FZD4: variants seen among roughly 807,000 people sequenced by gnomAD.
FZD4 encodes frizzled class receptor 4, also known as frizzled-4.
FZD4 carries 16 observed loss-of-function variants against 37.3 expected under a neutral mutation model. The observed-to-expected ratio is 0.43, with a 90% CI of 0.29 to 0.65. The LOEUF (loss-of-function observed/expected upper bound fraction) is 0.65, where lower values mean the gene tolerates loss of function less well. Ranked by LOEUF, FZD4 falls within the 30% of genes least tolerant of loss-of-function variation. The pLI, the probability that FZD4 is intolerant of heterozygous loss-of-function variation, is 0.16. For missense variants in FZD4, 599 were observed against 674.3 expected (o/e 0.89, Z 1.24); for synonymous variants, 246 against 254.8 (o/e 0.97, Z 0.33).
In FZD4 at chr11:86,951,140, C is replaced by A. The variant is rs61749246; in HGVS notation, c.*2G>T. On this transcript the variant is annotated 3_prime_UTR_variant, in exon 2 of 2. Transcript: ENST00000531380. ...TGAAGAAAGCATGGAGGCTGACTAGCCTTATACCACAGTCTCACTGCCTTT... is the reference window on the plus strand; with the variant it reads ...TGAAGAAAGCATGGAGGCTGACTAGACTTATACCACAGTCTCACTGCCTTT... The A allele has an allele frequency of 0.022, 35,324 of 1,613,762 alleles. 466 individuals are homozygous for A. Among genetic ancestry groups the A allele is most frequent in the Middle Eastern group, 0.028 (172 of 6,062 alleles).
In FZD4 at chr11:86,954,852, C is replaced by G; in HGVS notation, c.234G>C (p.Gln78His). Residue 78 changes from glutamine (Q) to histidine (H), a missense_variant, in exon 1 of 2, where the codon CAG becomes CAC. Around this residue, in one of 3 missense-constraint regions of FZD4, gnomAD observed 357 missense variants for 396.1 expected, o/e 0.90. Transcript: ENST00000531380. ...GGATGAGCGGTGTGAAAGTTGTCAG[C>G]TGCAGCTCGGCGTCCGTCTGCAGCT... ...GHELQTDAELQLTTFTPLIQY... is the reference protein window; with the variant it reads ...GHELQTDAELHLTTFTPLIQY... 6 of 1,613,366 alleles carry G rather than the reference C, an allele frequency of 3.7e-6. No individual in the cohort carries two copies. Among genetic ancestry groups the G allele is most frequent in the Non-Finnish European group, 5.1e-6 (6 of 1,179,834 alleles).
In FZD4 at chr11:86,947,264, T is replaced by C; in HGVS notation, c.*3878A>G. On this transcript the variant is annotated 3_prime_UTR_variant, in exon 2 of 2. Coordinates refer to ENST00000531380, the MANE Select transcript of FZD4 (RefSeq NM_012193.4). ...AAAAAAAGGTTCCTTCCAAAGTCTG[T>C]GCTCAATGGCTCCCTTCCCTAACTG... 6.0e-6 allele frequency: 1 copy of C among 166,318 alleles called. No homozygotes were observed. Among genetic ancestry groups the C allele is most frequent in the Non-Finnish European group, 1.3e-5 (1 of 77,554 alleles). 10.3% of individuals were successfully genotyped at this position (166,318 alleles called of 1,614,324 possible). A position where few individuals can be genotyped will look rare whatever the true frequency, so the allele number is the denominator to read the frequency against.
intron 1 of FZD4, 66 bp downstream of exon 1, chr11:86,954,735 T>G (rs1949321413): frequency 6.5e-7 from 1 of 1,529,974 alleles, no homozygotes; most frequent in Admixed American, 2.0e-5. Flanking sequence ...GCATGGGCTC[T>G]GCAAAGTTAG....
Position 86,949,041 on chromosome 11 carries a change from G to A in FZD4, c.*2101C>T, listed in dbSNP as rs77034986. 1 of 152,416 alleles carries A rather than the reference G, an allele frequency of 6.6e-6. No homozygotes were observed. The highest frequency in any genetic ancestry group is 1.5e-5 in the Non-Finnish European group (1 of 68,070). 9.4% of individuals were successfully genotyped at this position (152,416 alleles called of 1,614,324 possible). On this transcript the variant is annotated 3_prime_UTR_variant, in exon 2 of 2. Coordinates refer to ENST00000531380, the MANE Select transcript of FZD4 (RefSeq NM_012193.4). ...CACATTTTACATTTCATAGGCAATGGAGTATCAGATGGAGTTAAAATGGTT... is the reference window on the plus strand; with the variant it reads ...CACATTTTACATTTCATAGGCAATGAAGTATCAGATGGAGTTAAAATGGTT...
At position 86,949,372 on chromosome 11, in the gene FZD4, AG is replaced by A. The variant is rs1360963052; in HGVS notation, c.*1769del. On this transcript the variant is annotated 3_prime_UTR_variant, in exon 2 of 2. Transcript: ENST00000531380. ...ATTTGACCACCTTTTTGGAATTTTGAGTCCCTGGAAATGTTTTTCCACAAAG... is the reference window on the plus strand; with the variant it reads ...ATTTGACCACCTTTTTGGAATTTTGATCCCTGGAAATGTTTTTCCACAAAG... 1 of 151,312 alleles carries A rather than the reference AG, an allele frequency of 6.6e-6. No homozygotes were observed. The highest frequency in any genetic ancestry group is 1.5e-5 in the Non-Finnish European group (1 of 67,870). The allele number at this position is 151,312 out of a possible 1,614,324, so 9.4% of individuals were successfully genotyped here. A position where few individuals can be genotyped will look rare whatever the true frequency, so the allele number is the denominator to read the frequency against.
At chr11:86,953,350 C>A (rs1164042912) in intron 1 of FZD4, among the ~76,000 whole-genome samples, 1 of 152,200 alleles carries the variant, frequency 6.6e-6, no homozygotes, top group African/African-American at 2.4e-5. Context: ...AAAGCTGTTT[C>A]TCCAACAAAT....
chr11:86,950,660 G>T lies in FZD4; in HGVS notation c.*482C>A, dbSNP rs1431537912. 2 of 197,036 alleles carry T rather than the reference G, an allele frequency of 1.0e-5. No homozygotes were observed. Among genetic ancestry groups the T allele is most frequent in the Admixed American group, 1.1e-4 (2 of 18,914 alleles). The allele number at this position is 197,036 out of a possible 1,614,324, so 12.2% of individuals were successfully genotyped here. A position where few individuals can be genotyped will look rare whatever the true frequency, so the allele number is the denominator to read the frequency against. On this transcript the variant is annotated 3_prime_UTR_variant, in exon 2 of 2. Coordinates refer to ENST00000531380, the MANE Select transcript of FZD4 (RefSeq NM_012193.4). ...ACATCAGCCAAACTATAAAACTCTTGTAACACTTTTCTGAACCCAGCGTTT... is the reference window on the plus strand; with the variant it reads ...ACATCAGCCAAACTATAAAACTCTTTTAACACTTTTCTGAACCCAGCGTTT...
At position 86,951,879 on chromosome 11, in the gene FZD4, T is replaced by A; in HGVS notation, c.877A>T (p.Ile293Phe). Residue 293 changes from isoleucine (I) to phenylalanine (F), a missense_variant, in exon 2 of 2, where the codon ATC becomes TTC. This residue lies in a region of FZD4 where 357 missense variants were observed against 396.1 expected (regional missense o/e 0.90). Coordinates refer to ENST00000531380, the MANE Select transcript of FZD4 (RefSeq NM_012193.4). ...DFEEAAEPVL[I>F]QEGLKNTGCA... ...CCTGTGTTCTTAAGTCCTTCTTGGA[T>A]GAGAACAGGTTCTGCTGCCTCTTCA... The A allele has an allele frequency of 6.2e-7, 1 of 1,613,742 alleles. No individual in the cohort carries two copies.
chr11:86,952,600 AGTCT>A (rs1157462963), intron 1 of FZD4, 130 bp from the exon 2 acceptor site: 9 of 951,426 alleles, frequency 9.5e-6, no homozygotes, highest in East Asian at 2.4e-5. Context: ...ACCTATCGGG[AGTCT>A]GTCTGTTTAC....
rs1949287747 is a variant in FZD4, at chr11:86,951,194, TTC to T, written c.1560_1561del (p.Lys521GlufsTer13). 3 of 1,614,024 alleles carry T rather than the reference TTC, an allele frequency of 1.9e-6. No individual in the cohort carries two copies. Among genetic ancestry groups the T allele is most frequent in the African/African-American group, 1.3e-5 (1 of 75,050 alleles). On this transcript the variant is annotated frameshift_variant, in exon 2 of 2. Transcript: ENST00000531380. LOFTEE classifies it high-confidence loss of function. ...AGGCTTCACCCAACCATTTCCTCTC[TTC>T]TCTCTCTTTACCTTTCCAGAATTCA... is the stretch of plus-strand genomic sequence containing the variant.
Position 86,951,534 on chromosome 11 carries a change from C to T in FZD4, c.1222G>A (p.Ala408Thr), listed in dbSNP as rs2135040394. The T allele has an allele frequency of 1.9e-6, 3 of 1,614,146 alleles. No homozygotes were observed. Among genetic ancestry groups the T allele is most frequent in the Non-Finnish European group, 2.5e-6 (3 of 1,180,008 alleles). Residue 408 changes from alanine to threonine, a missense_variant, in exon 2 of 2, where the codon GCA becomes ACA. By Grantham distance (58) the Ala-to-Thr change is moderately conservative (BLOSUM62 0). This residue lies in a region of FZD4 where 203 missense variants were observed against 196.8 expected (regional missense o/e 1.03). Transcript: ENST00000531380. ...ATTTTGAACAAGGCCACCAAACCTG[C>T]AGCAATGAACAAAGTTCCAATGACC... ...YLVIGTLFIA[A>T]GLVALFKIRS... is the part of the protein sequence containing the mutation.
intron 1 of FZD4, chr11:86,953,021 G>C (rs1022689047): frequency 2.0e-5 from 3 of 153,088 alleles, no homozygotes; most frequent in Non-Finnish European, 2.9e-5. Flanking sequence ...TTAGACTCAA[G>C]GATGGGATGC....
In FZD4 at chr11:86,951,727, G is replaced by C. The variant is rs199837706; in HGVS notation, c.1029C>G (p.His343Gln). ...AGGCTGCAATGTGGAAATAAGAGCT[G>C]TGCATTTCAATGGCTTCATGACCCC... is the stretch of plus-strand genomic sequence containing the variant. ...LKWGHEAIEM[H>Q]SSYFHIAAWA... Residue 343 changes from histidine (H) to glutamine (Q), a missense_variant, in exon 2 of 2, where the codon CAC becomes CAG. Coordinates refer to ENST00000531380, the MANE Select transcript of FZD4 (RefSeq NM_012193.4). The C allele has an allele frequency of 2.5e-6, 4 of 1,614,152 alleles. No individual in the cohort carries two copies. The highest frequency in any genetic ancestry group is 2.5e-6 in the Non-Finnish European group (3 of 1,180,026).
rs1244876034 is a variant in FZD4 at position 86,948,366 on chromosome 11, A to G, written c.*2776T>C. Reference sequence around the variant, plus strand: ...ATTATCTATTTCAGGGCTTTACTACAGTCGGCACTCAATAAATAAAATAAC... The same window carrying G: ...ATTATCTATTTCAGGGCTTTACTACGGTCGGCACTCAATAAATAAAATAAC... On this transcript the variant is annotated 3_prime_UTR_variant, in exon 2 of 2. Transcript: ENST00000531380. 1 of 152,096 alleles carries G rather than the reference A, an allele frequency of 6.6e-6. No homozygotes were observed. The highest frequency in any genetic ancestry group is 2.4e-5 in the African/African-American group (1 of 41,418). The allele number at this position is 152,096 out of a possible 1,614,324, so 9.4% of individuals were successfully genotyped here. A position where few individuals can be genotyped will look rare whatever the true frequency, so the allele number is the denominator to read the frequency against.
Position 86,955,103 on chromosome 11 carries a change from G to C in FZD4, c.-18C>G, listed in dbSNP as rs749738642. ...CAGGCCATGGCCAGCATCGGGGGTA[G>C]CAGCGGCAGCGGCTGGGGCTGCTCT... On this transcript the variant is annotated 5_prime_UTR_variant, in exon 1 of 2. Transcript: ENST00000531380. 10 of 1,465,772 alleles carry C rather than the reference G, an allele frequency of 6.8e-6. No homozygotes were observed. The highest frequency in any genetic ancestry group is 9.0e-6 in the Non-Finnish European group (10 of 1,113,856). The allele number at this position is 1,465,772 out of a possible 1,614,324, so 90.8% of individuals were successfully genotyped here.
rs1275328119 is a variant in FZD4 at position 86,945,758 on chromosome 11, T to G, written c.*5384A>C. 2 of 152,620 alleles carry G rather than the reference T, an allele frequency of 1.3e-5. No homozygotes were observed. Among genetic ancestry groups the G allele is most frequent in the African/African-American group, 2.4e-5 (1 of 41,432 alleles). The allele number at this position is 152,620 out of a possible 1,614,324, so 9.5% of individuals were successfully genotyped here. ...CTTTGTACAGTGATAAATTAGAAAT[T>G]TACAGTACAGACATCGATGCAGACA... On this transcript the variant is annotated 3_prime_UTR_variant, in exon 2 of 2. Coordinates refer to ENST00000531380, the MANE Select transcript of FZD4 (RefSeq NM_012193.4).
rs1162950061 is a variant in FZD4, at chr11:86,945,984, C to CAG, written c.*5156_*5157dup. The CAG allele has an allele frequency of 6.6e-6, 1 of 152,622 alleles. No individual in the cohort carries two copies. Among genetic ancestry groups the CAG allele is most frequent in the East Asian group, 1.9e-4 (1 of 5,194 alleles). 9.5% of individuals were successfully genotyped at this position (152,622 alleles called of 1,614,324 possible). ...CAGAGCATCCAGCCCGACTGCTGCA[C>CAG]AGAGCAGGGGAAGTCACATTTTATC... On this transcript the variant is annotated 3_prime_UTR_variant, in exon 2 of 2. Transcript: ENST00000531380.
Position 86,952,375 on chromosome 11 carries a change from G to C in FZD4, c.381C>G (p.Arg127=). The part of the protein sequence containing the change: ...CGGMCLSVKR[R]CEPVLKEFGF... ...CAAATTCCTTCAGGACGGGTTCACA[G>C]CGTCTCTTGACTGAAAGACACATGC... The change falls in exon 2 of 2, where the codon CGC becomes CGG. Residue 127 remains arginine, a synonymous_variant. Transcript: ENST00000531380. 1 of 1,614,216 alleles carries C rather than the reference G, an allele frequency of 6.2e-7. No individual in the cohort carries two copies. Among genetic ancestry groups the C allele is most frequent in the Non-Finnish European group, 8.5e-7 (1 of 1,180,036 alleles).
chr11:86,946,029 G>A lies in FZD4; in HGVS notation c.*5113C>T, dbSNP rs1949239778. 2 of 152,600 alleles carry A rather than the reference G, an allele frequency of 1.3e-5. No homozygotes were observed. Among genetic ancestry groups the A allele is most frequent in the South Asian group, 4.1e-4 (2 of 4,826 alleles). 9.5% of individuals were successfully genotyped at this position (152,600 alleles called of 1,614,324 possible). A position where few individuals can be genotyped will look rare whatever the true frequency, so the allele number is the denominator to read the frequency against. ...TTTATCTTTTTTTCAGATTACATCC[G>A]ATATTTCATCTACCTTTCTTACAAA... On this transcript the variant is annotated 3_prime_UTR_variant, in exon 2 of 2. Transcript: ENST00000531380.
Sources: allele counts gnomAD v4.1 joint callset (sites outside exome capture counted in the v4.1 genomes callset), GRCh38; gene constraint gnomAD v4.1.1; regional missense constraint gnomAD v4.1.1; transcripts MANE v1.5; gene names NCBI Gene and HGNC (gene_info 2026-07-23, HGNC 2026-07-21).